Variants in KIAA0753 observed in about 807,000 individuals in gnomAD.
KIAA0753 encodes KIAA0753, also known as protein moonraker.
A neutral mutation model predicts 116.9 loss-of-function variants in KIAA0753; 114 were observed. The observed-to-expected ratio is 0.98, with a 90% CI of 0.84 to 1.14. The LOEUF is 1.14. Among genes scored for constraint, KIAA0753 ranks in the 50% most tolerant of loss-of-function variants. KIAA0753 has a pLI of 0.00. For synonymous variants in KIAA0753, 405 were observed against 413.1 expected (o/e 0.98, Z 0.24); for missense variants, 1,156 against 1,172.4 (o/e 0.99, Z 0.20).
chr17:6,615,485 G>A (rs1244068779), intron 7 of KIAA0753, among the ~76,000 whole-genome samples: 1 of 151,834 alleles, frequency 6.6e-6, no homozygotes, highest in Non-Finnish European at 1.5e-5. Flanking sequence ...CATGTTGGCA[G>A]GTGCCTGTAG....
chr17:6,596,146 C>A lies in KIAA0753; in HGVS notation c.2358+12G>T. The A allele has an allele frequency of 1.9e-6, 3 of 1,611,266 alleles. No homozygotes were observed. ...CCTAGCAGCGAACCAGACCCGGAGC[C>A]CCAGACCTTACTTCCATCTCTTCCA... On this transcript the variant is annotated intron_variant, in intron 15 of 18. Transcript: ENST00000361413.
chr17:6,595,082 T>C, intron 15 of KIAA0753, 29 bp from the exon 16 acceptor site: 1 of 1,505,566 alleles, frequency 6.6e-7, no homozygotes. Flanking sequence ...AAGTTTAATT[T>C]ATGAGAAAAA....
At chr17:6,592,638 C>A (rs1025996906) in intron 16 of KIAA0753, among the ~76,000 whole-genome samples, 1 of 152,108 alleles carries the variant, frequency 6.6e-6, no homozygotes, top group African/African-American at 2.4e-5. Flanking sequence ...GAACCCCAAC[C>A]TCTACCTCAA....
chr17:6,613,258 A>G (rs1278382393), intron 7 of KIAA0753, among the ~76,000 whole-genome samples: 1 of 152,226 alleles, frequency 6.6e-6, no homozygotes, highest in African/African-American at 2.4e-5. Flanking sequence ...CTTTTACAGA[A>G]AAATTTATAA....
chr17:6,605,611 A>T (rs1236408411), intron 12 of KIAA0753, among the ~76,000 whole-genome samples: 1 of 152,186 alleles, frequency 6.6e-6, no homozygotes, highest in African/African-American at 2.4e-5. Context: ...CAGTTTTCAA[A>T]ATTAAACAAG....
Position 6,596,310 on chromosome 17 carries a change from G to T in KIAA0753, c.2206C>A (p.Arg736Ser), listed in dbSNP as rs752702161. 1.4e-6 allele frequency: 2 copies of T among 1,411,566 alleles called. No individual in the cohort carries two copies. Among genetic ancestry groups the T allele is most frequent in the Admixed American group, 1.9e-5 (1 of 52,938 alleles). 87.4% of individuals were successfully genotyped at this position (1,411,566 alleles called of 1,614,324 possible). A position where few individuals can be genotyped will look rare whatever the true frequency, so the allele number is the denominator to read the frequency against. ...AAVDFESNNIRQLDDFLEDCA... is the reference protein window; with the variant it reads ...AAVDFESNNISQLDDFLEDCA... ...TCTTCCAAAAAATCATCAAGCTGACGAATGTTGTTGGATTCAAAATCAACA... is the reference window on the plus strand; with the variant it reads ...TCTTCCAAAAAATCATCAAGCTGACTAATGTTGTTGGATTCAAAATCAACA... The change falls in exon 15 of 19, where the codon CGT (arginine) becomes AGT (serine). Residue 736 changes from arginine to serine, a missense_variant. Physicochemically the swap from Arg to Ser is moderately radical, Grantham distance 110. Transcript: ENST00000361413.
intron 16 of KIAA0753, among the ~76,000 whole-genome samples, chr17:6,591,040 G>GGAAGAAGGAAGAAGGAA (rs1567540520): frequency 2.0e-5 from 2 of 99,996 alleles, no homozygotes; most frequent in African/African-American, 3.9e-5. Context: ...GAAGGAAGAA[G>GGAAGAAGGAAGAAGGAA]GAAGAAGAAG....
At chr17:6,632,998 A>G (rs569125794) in intron 2 of KIAA0753, among the ~76,000 whole-genome samples, 2 of 152,154 alleles carry the variant, frequency 1.3e-5, no homozygotes, top group South Asian at 4.1e-4. Context: ...CAACTAACAA[A>G]ATCTCAGTAA....
At chr17:6,603,673 G>A (rs1468844343) in intron 12 of KIAA0753, among the ~76,000 whole-genome samples, 1 of 152,182 alleles carries the variant, frequency 6.6e-6, no homozygotes, top group Non-Finnish European at 1.5e-5. Context: ...AGTTCTTTGG[G>A]ATTTCTCTTT....
At chr17:6,607,027 C>T in intron 11 of KIAA0753, 65 bp from the exon 12 acceptor site, 7 of 1,503,698 alleles carry the variant, frequency 4.7e-6, no homozygotes, top group Non-Finnish European at 6.5e-6. Flanking sequence ...CCCTTGAGCT[C>T]CAGTCTTGGC....
chr17:6,590,644 G>T lies in KIAA0753; in HGVS notation c.2441-14C>A, dbSNP rs965656238. On this transcript the variant is annotated splice_polypyrimidine_tract_variant and intron_variant, in intron 16 of 18. Transcript: ENST00000361413. The stretch of plus-strand genomic sequence containing the variant: ...AGATTTTTTGGTCTAGAAAAGGAGG[G>T]TCATAAAATGACTGCATATAAAGAA... The T allele has an allele frequency of 5.6e-6, 9 of 1,612,960 alleles. No individual in the cohort carries two copies. The African/African-American group carries it at 1.1e-4, about 19-fold the overall frequency.
intron 8 of KIAA0753, among the ~76,000 whole-genome samples, chr17:6,611,480 T>C (rs1233220090): frequency 6.6e-5 from 10 of 152,092 alleles, no homozygotes; most frequent in Non-Finnish European, 1.0e-4. Context: ...TTGTTTTTAG[T>C]AGAGATGGGG....
Position 6,589,898 on chromosome 17 carries a change from G to C in KIAA0753, c.2667C>G (p.Leu889=). 1.2e-6 allele frequency: 2 copies of C among 1,613,852 alleles called. No homozygotes were observed. The highest frequency in any genetic ancestry group is 1.7e-6 in the Non-Finnish European group (2 of 1,179,892). Residue 889 remains leucine (L), a synonymous_variant, in exon 18 of 19, where the codon CTC becomes CTG. Coordinates refer to ENST00000361413, the MANE Select transcript of KIAA0753 (RefSeq NM_014804.3). ...DSQQKEGRAP[L]FVPPGMQHSI... ...TGTGCTGCATACCCGGTGGGACAAA[G>C]AGGGGAGCTCGGCCTTCTTTCTGTT...
At chr17:6,599,463 C>T in intron 13 of KIAA0753, 143 bp from the exon 14 acceptor site, 2 of 615,960 alleles carry the variant, frequency 3.2e-6, no homozygotes, top group Admixed American at 2.7e-5. Context: ...ATTCAAAGCA[C>T]TTTGTCTTCA....
In KIAA0753 at chr17:6,622,907, A is replaced by G; in HGVS notation, c.1079T>C (p.Val360Ala). 6.2e-7 allele frequency: 1 copy of G among 1,614,074 alleles called. No individual in the cohort carries two copies. The highest frequency in any genetic ancestry group is 8.5e-7 in the Non-Finnish European group (1 of 1,179,906). The change falls in exon 6 of 19, where the codon GTT (valine) becomes GCT (alanine). Residue 360 changes from valine to alanine, a missense_variant. Transcript: ENST00000361413. ...LDADPSVPDV[V>A]IDILQQIEAL... ...CTCAATTTGTTGCAGAATATCTATA[A>G]CCACATCAGGAACAGAAGGGTCTGC...
chr17:6,626,536 G>T (rs1971677591), intron 3 of KIAA0753, among the ~76,000 whole-genome samples: 1 of 152,062 alleles, frequency 6.6e-6, no homozygotes, highest in Admixed American at 6.5e-5. Context: ...GCTTAGGTGG[G>T]GGGTTTGAAG....
chr17:6,610,793 T>C (rs1236193232), intron 8 of KIAA0753, among the ~76,000 whole-genome samples: 1 of 152,104 alleles, frequency 6.6e-6, no homozygotes, highest in Non-Finnish European at 1.5e-5. Flanking sequence ...ATACTTAACC[T>C]CTCTGGGCCT....
chr17:6,611,939 G>C lies in KIAA0753; in HGVS notation c.1525C>G (p.Leu509Val), dbSNP rs757767376. Residue 509 changes from leucine (L) to valine (V), a missense_variant, in exon 8 of 19, where the codon CTG (leucine) becomes GTG (valine). Transcript: ENST00000361413. Reference protein sequence around the residue: ...ENVPFRKKDTLAPARQQGLRK... With the variant: ...ENVPFRKKDTVAPARQQGLRK... ...CATACTTGCTGTCTTGCTGGCGCCA[G>C]AGTATCTTTCTTCCTAAACGGCACA... is the stretch of plus-strand genomic sequence containing the variant. 10 of 1,613,814 alleles carry C rather than the reference G, an allele frequency of 6.2e-6. No homozygotes were observed. Among genetic ancestry groups the C allele is most frequent in the African/African-American group, 1.3e-5 (1 of 74,960 alleles).
chr17:6,609,213 C>CAGA (rs1330298579), intron 9 of KIAA0753, among the ~76,000 whole-genome samples: 1 of 152,216 alleles, frequency 6.6e-6, no homozygotes, highest in Non-Finnish European at 1.5e-5. Context: ...GCTCCAAAGA[C>CAGA]AGAACCCTGT....
Sources: gnomAD v4.1 joint callset for allele counts (sites outside exome capture counted in the v4.1 genomes callset) on GRCh38, gnomAD v4.1.1 for gene constraint, MANE v1.5 for transcripts, NCBI Gene and HGNC (gene_info 2026-07-23, HGNC 2026-07-21) for gene names.